Variants in FKBP5 observed in about 807,000 individuals in gnomAD.
FKBP5 encodes peptidyl-prolyl cis-trans isomerase FKBP5.
In FKBP5, 23 loss-of-function variants were observed where a neutral mutation model predicts 50.5. That is an observed-to-expected ratio of 0.46 (90% confidence interval 0.33 to 0.65). The LOEUF (loss-of-function observed/expected upper bound fraction) is 0.65. Ranked by LOEUF, FKBP5 falls within the 30% of genes least tolerant of loss-of-function variation. FKBP5 has a pLI of 0.02. For synonymous variants in FKBP5, 176 were observed against 190.6 expected (o/e 0.92, Z 0.63); for missense variants, 411 against 553.1 (o/e 0.74, Z 2.58).
At chr6:35,694,412 G>A (rs1051342394) in intron 2 of FKBP5, among the ~76,000 whole-genome samples, 27 of 152,130 alleles carry the variant, frequency 1.8e-4, no homozygotes, top group African/African-American at 6.3e-4. Flanking sequence ...CTTCCAAAGT[G>A]CTGGGATTAT....
intron 5 of FKBP5, among the ~76,000 whole-genome samples, chr6:35,604,679 T>C (rs1403939736): frequency 2.6e-5 from 4 of 152,230 alleles, no homozygotes; most frequent in African/African-American, 4.8e-5. Flanking sequence ...GATACTGTTG[T>C]TGTTCTCACT....
chr6:35,722,656 G>A (rs541586334), intron 1 of FKBP5, among the ~76,000 whole-genome samples: 10 of 152,230 alleles, frequency 6.6e-5, no homozygotes, highest in Admixed American at 3.9e-4. Context: ...AGAGAACACC[G>A]GGCTGCTTCA....
At chr6:35,577,927 G>A (rs570771789) in intron 9 of FKBP5, among the ~76,000 whole-genome samples, 293 of 151,898 alleles carry the variant, frequency 1.9e-3, no homozygotes, top group Non-Finnish European at 3.2e-3. Flanking sequence ...GGTGGCAGGC[G>A]CCTGTAATCC....
chr6:35,597,141 G>T, intron 6 of FKBP5, 107 bp downstream of exon 6: 2 of 1,194,856 alleles, frequency 1.7e-6, no homozygotes, highest in Non-Finnish European at 2.4e-6. Context: ...AATTGTTTCC[G>T]TTGTTGGATT....
intron 8 of FKBP5, chr6:35,585,538 G>A: frequency 1.0e-6 from 1 of 985,170 alleles, no homozygotes; most frequent in Non-Finnish European, 1.2e-6. Flanking sequence ...ATCATTTGAA[G>A]AGCAATAAAG....
chr6:35,680,663 CAAG>C, intron 1 of FKBP5, among the ~76,000 whole-genome samples: 1 of 152,218 alleles, frequency 6.6e-6, no homozygotes, highest in East Asian at 1.9e-4. Context: ...TACCAATGAT[CAAG>C]AATAGTTTAG....
chr6:35,728,041 G>C (rs1185301478), intron 1 of FKBP5, among the ~76,000 whole-genome samples: 1 of 152,168 alleles, frequency 6.6e-6, no homozygotes, highest in Non-Finnish European at 1.5e-5. Flanking sequence ...CGCGCCGAGC[G>C]CAAGCCGCGA....
chr6:35,614,662 C>T (rs1763589731), intron 5 of FKBP5, among the ~76,000 whole-genome samples: 1 of 152,060 alleles, frequency 6.6e-6, no homozygotes, highest in African/African-American at 2.4e-5. Flanking sequence ...ATTCTAAAAC[C>T]ATCTTACATA....
chr6:35,610,694 T>A (rs1373675623), intron 5 of FKBP5, among the ~76,000 whole-genome samples: 3 of 151,928 alleles, frequency 2.0e-5, no homozygotes, highest in Non-Finnish European at 4.4e-5. Flanking sequence ...ATTTTATTAT[T>A]TTTCTATTTT....
At chr6:35,582,885 T>G (rs1762479758) in intron 8 of FKBP5, 2 of 949,542 alleles carry the variant, frequency 2.1e-6, no homozygotes, top group Non-Finnish European at 2.5e-6. Flanking sequence ...AATAAAGGTT[T>G]GTTGAGTAAA....
intron 10 of FKBP5, among the ~76,000 whole-genome samples, chr6:35,576,298 G>A (rs1181256920): frequency 6.6e-6 from 1 of 152,018 alleles, no homozygotes; most frequent in Non-Finnish European, 1.5e-5. Flanking sequence ...TGATGATGGG[G>A]CTCCTATAAC....
chr6:35,616,761 T>C (rs529585460), intron 5 of FKBP5, among the ~76,000 whole-genome samples: 18 of 152,262 alleles, frequency 1.2e-4, no homozygotes, highest in Admixed American at 1.3e-4. Context: ...ATATATATTA[T>C]AAATTACTGA....
At chr6:35,578,803 G>A (rs926627740) in intron 9 of FKBP5, among the ~76,000 whole-genome samples, 1 of 151,790 alleles carries the variant, frequency 6.6e-6, no homozygotes, top group African/African-American at 2.4e-5. Flanking sequence ...AGGAGAACAG[G>A]CTTCCTATTG....
rs143156374 is a variant in FKBP5 at position 35,675,398 on chromosome 6, C to T, written c.-20+13406G>A. Among the ~76,000 whole-genome samples, 298 of 152,208 alleles carry T rather than the reference C, an allele frequency of 2.0e-3. 3 individuals carry two copies. In the East Asian group the frequency reaches 0.041, roughly 21 times the overall value. On this transcript the variant is annotated intron_variant, in intron 1 of 10. Coordinates refer to ENST00000357266, the MANE Select transcript of FKBP5 (RefSeq NM_004117.4). ...CAGCCTGACCAACATGGTGAAACCC[C>T]GTCTCTACTAAAAATGCAAACATTA... is the stretch of plus-strand genomic sequence containing the variant.
chr6:35,620,563 T>TA (rs564725729), intron 3 of FKBP5, among the ~76,000 whole-genome samples: 265 of 122,528 alleles, frequency 2.2e-3, no homozygotes, highest in South Asian at 3.2e-3. Flanking sequence ...ACCTCATCTC[T>TA]AAAAAAAAAA....
chr6:35,655,830 T>C (rs996780293), intron 1 of FKBP5, among the ~76,000 whole-genome samples: 5 of 152,230 alleles, frequency 3.3e-5, no homozygotes, highest in Non-Finnish European at 7.3e-5. Context: ...TCAGGAGTAC[T>C]AATTAAGAAC....
intron 1 of FKBP5, among the ~76,000 whole-genome samples, chr6:35,722,522 G>A (rs1766629603): frequency 6.6e-6 from 1 of 152,058 alleles, no homozygotes; most frequent in Non-Finnish European, 1.5e-5. Flanking sequence ...CAGGATAAAG[G>A]TCAACTCTTG....
rs563348699 is a variant in FKBP5 at position 35,597,400 on chromosome 6, G to A, written c.513C>T (p.His171=). Residue 171 remains histidine (H), a synonymous_variant, in exon 6 of 11, where the codon CAC becomes CAT. Coordinates refer to ENST00000357266, the MANE Select transcript of FKBP5 (RefSeq NM_004117.4). The part of the protein sequence containing the change: ...NPNEGATVEI[H]LEGRCGGRMF... ...TCCTTCCACCACAGCGGCCTTCCAG[G>A]TGGACTGAGGGCAAGGAGACAGGAG... 7 of 1,613,512 alleles carry A rather than the reference G, an allele frequency of 4.3e-6. No individual in the cohort carries two copies. The highest frequency in any genetic ancestry group is 4.2e-6 in the Non-Finnish European group (5 of 1,179,826).
At chr6:35,716,991 G>A (rs547729604) in intron 2 of FKBP5, among the ~76,000 whole-genome samples, 11 of 152,122 alleles carry the variant, frequency 7.2e-5, no homozygotes, top group African/African-American at 2.4e-4. Context: ...GACCAGCCTC[G>A]TGTTTACTGG....
Sources: allele counts gnomAD v4.1 joint callset (sites outside exome capture counted in the v4.1 genomes callset), GRCh38; gene constraint gnomAD v4.1.1; transcripts MANE v1.5; gene names NCBI Gene and HGNC (gene_info 2026-07-23, HGNC 2026-07-21).